Variants in SPOCK1 observed in about 807,000 individuals in gnomAD.
SPOCK1 encodes SPARC (osteonectin), cwcv and kazal like domains proteoglycan 1.
SPOCK1 carries 23 observed loss-of-function variants against 55.3 expected under a neutral mutation model. The observed-to-expected ratio is 0.42, with a 90% CI of 0.30 to 0.59. SPOCK1 has a LOEUF of 0.59. Among genes scored for constraint, SPOCK1 ranks in the 20% least tolerant of loss-of-function variants. The probability of loss-of-function intolerance (pLI) is 0.22; values close to 1 mark genes in which losing one functional copy is unlikely to be tolerated. For synonymous variants in SPOCK1, 226 were observed against 221.0 expected (o/e 1.02, Z -0.20); for missense variants, 499 against 552.5 (o/e 0.90, Z 0.97).
intron 3 of SPOCK1, among the ~76,000 whole-genome samples, chr5:137,242,450 T>C (rs764762713): frequency 1.1e-4 from 16 of 152,232 alleles, no homozygotes; most frequent in Non-Finnish European, 1.8e-4. Context: ...TCTGCCATGA[T>C]GGTGAGGCTT....
At chr5:137,162,657 C>T (rs1290108841) in intron 3 of SPOCK1, among the ~76,000 whole-genome samples, 1 of 152,142 alleles carries the variant, frequency 6.6e-6, no homozygotes, top group Middle Eastern at 3.2e-3. Flanking sequence ...TCCTCCCCTA[C>T]AACAAAGAAT....
intron 2 of SPOCK1, among the ~76,000 whole-genome samples, chr5:137,290,409 T>C (rs190280058): frequency 3.7e-4 from 57 of 152,254 alleles, no homozygotes; most frequent in Non-Finnish European, 1.6e-4. Context: ...TAACATATGA[T>C]GAAAAGTTAG....
At chr5:137,366,732 A>G (rs929600514) in intron 2 of SPOCK1, among the ~76,000 whole-genome samples, 2 of 152,252 alleles carry the variant, frequency 1.3e-5, no homozygotes, top group African/African-American at 4.8e-5. Context: ...GTGATTAAGT[A>G]GGAGTTTAGT....
At chr5:137,486,201 T>C (rs1754051850) in intron 2 of SPOCK1, among the ~76,000 whole-genome samples, 1 of 152,198 alleles carries the variant, frequency 6.6e-6, no homozygotes, top group Non-Finnish European at 1.5e-5. Context: ...TGTTGGCCTG[T>C]TGGCAGTGTC....
At chr5:137,234,345 C>T (rs1218201380) in intron 3 of SPOCK1, among the ~76,000 whole-genome samples, 2 of 152,148 alleles carry the variant, frequency 1.3e-5, no homozygotes, top group Non-Finnish European at 2.9e-5. Flanking sequence ...TCAGGAAACA[C>T]CATGCCTGGG....
chr5:137,304,856 G>A (rs1757676756), intron 2 of SPOCK1, among the ~76,000 whole-genome samples: 1 of 152,148 alleles, frequency 6.6e-6, no homozygotes, highest in African/African-American at 2.4e-5. Context: ...TGGGGGCTGT[G>A]ACTGCACCTA....
At chr5:137,253,610 G>T (rs1248919998) in intron 3 of SPOCK1, among the ~76,000 whole-genome samples, 1 of 152,196 alleles carries the variant, frequency 6.6e-6, no homozygotes, top group South Asian at 2.1e-4. Context: ...CATCAAACCA[G>T]CCATGTGGCT....
chr5:137,217,212 G>A (rs1755733606), intron 3 of SPOCK1, among the ~76,000 whole-genome samples: 1 of 152,198 alleles, frequency 6.6e-6, no homozygotes, highest in Non-Finnish European at 1.5e-5. Context: ...TGCTCCCAGT[G>A]ACAAAGCAGC....
At position 136,978,895 on chromosome 5, in the gene SPOCK1, C is replaced by A. The variant is rs758136790; in HGVS notation, c.1130-51G>T. On this transcript the variant is annotated intron_variant, in intron 10 of 10. Coordinates refer to ENST00000394945, the MANE Select transcript of SPOCK1 (RefSeq NM_004598.4). ...GTTAGTTTCCACTTATACCTCATGA[C>A]CCACGTCAGGGGTTCCTTTGCCTGA... 7 of 1,538,152 alleles carry A rather than the reference C, an allele frequency of 4.6e-6. No individual in the cohort carries two copies. The African/African-American group carries it at 9.6e-5, about 21-fold the overall frequency.
intron 2 of SPOCK1, among the ~76,000 whole-genome samples, chr5:137,458,193 C>G (rs1028448924): frequency 6.6e-6 from 1 of 152,148 alleles, no homozygotes; most frequent in Non-Finnish European, 1.5e-5. Flanking sequence ...GTGTCACTTT[C>G]TTGTGACATA....
At chr5:137,499,055 G>C (rs923109314) in intron 1 of SPOCK1, 124 bp downstream of exon 1, 7 of 152,240 alleles carry the variant, frequency 4.6e-5, no homozygotes, top group African/African-American at 1.7e-4. Flanking sequence ...AGCGCCCTGA[G>C]GTCTCGGGGG....
intron 6 of SPOCK1, among the ~76,000 whole-genome samples, chr5:137,041,026 A>AT (rs1182617374): frequency 1.3e-5 from 2 of 152,136 alleles, no homozygotes; most frequent in Non-Finnish European, 2.9e-5. Flanking sequence ...TTTTAATTAC[A>AT]TTTTTTTAAA....
rs541399843 is a variant in SPOCK1 at position 137,077,275 on chromosome 5, C to T, written c.475-9446G>A. On this transcript the variant is annotated intron_variant, in intron 5 of 10. Transcript: ENST00000394945. ...CCCTTCACTTCTCCCTAGTCCAGTG[C>T]TATGTGTAATGACTCACAGACTTCT... Among the ~76,000 whole-genome samples, 160 of 152,326 alleles carry T rather than the reference C, an allele frequency of 1.1e-3. 1 individual carries two copies. Among genetic ancestry groups the T allele is most frequent in the African/African-American group, 3.6e-3 (148 of 41,572 alleles).
At chr5:136,980,911 G>T (rs1750717477) in intron 9 of SPOCK1, among the ~76,000 whole-genome samples, 1 of 152,150 alleles carries the variant, frequency 6.6e-6, no homozygotes, top group South Asian at 2.1e-4. Context: ...AGGGATGAAA[G>T]TAGCATTTTG....
At chr5:137,173,003 T>A (rs2127059520) in intron 3 of SPOCK1, among the ~76,000 whole-genome samples, 1 of 152,280 alleles carries the variant, frequency 6.6e-6, no homozygotes, top group South Asian at 2.1e-4. Context: ...ATATCCATCT[T>A]TTTTATCCCC....
chr5:137,380,159 G>T (rs965287419), intron 2 of SPOCK1, among the ~76,000 whole-genome samples: 1 of 152,200 alleles, frequency 6.6e-6, no homozygotes, highest in African/African-American at 2.4e-5. Flanking sequence ...TAATATATCT[G>T]CCTGCCACCA....
chr5:137,288,910 T>G (rs7714929), intron 2 of SPOCK1, among the ~76,000 whole-genome samples: 9,416 of 152,278 alleles, frequency 0.062, 511 homozygotes, highest in African/African-American at 0.14. Flanking sequence ...AGTACTGAAC[T>G]ATTCATAGCA....
chr5:137,366,760 G>A (rs192041214), intron 2 of SPOCK1, among the ~76,000 whole-genome samples: 2 of 152,328 alleles, frequency 1.3e-5, no homozygotes, highest in Admixed American at 1.3e-4. Flanking sequence ...GATGCGGCAA[G>A]GGAGTCTCTC....
intron 2 of SPOCK1, among the ~76,000 whole-genome samples, chr5:137,444,659 G>A (rs1753084453): frequency 6.6e-6 from 1 of 152,192 alleles, no homozygotes; most frequent in Non-Finnish European, 1.5e-5. Context: ...ACTCTTAGAA[G>A]CAAGTAATAG....
Sources: allele counts gnomAD v4.1 joint callset (sites outside exome capture counted in the v4.1 genomes callset), GRCh38; gene constraint gnomAD v4.1.1; transcripts MANE v1.5; gene names NCBI Gene and HGNC (gene_info 2026-07-23, HGNC 2026-07-21).